The following CADM2 variants were observed in gnomAD, a reference collection of about 807,000 sequenced individuals.
The protein encoded by CADM2 is cell adhesion molecule 2.
A neutral mutation model predicts 49.8 loss-of-function variants in CADM2; 12 were observed. The ratio of observed to expected loss-of-function variants is 0.24; its 90% CI spans 0.15 to 0.39. The LOEUF (loss-of-function observed/expected upper bound fraction) is 0.39, where lower values mean the gene tolerates loss of function less well. Among genes scored for constraint, CADM2 ranks in the 10% least tolerant of loss-of-function variants. The probability of loss-of-function intolerance (pLI) is 1.00; values close to 1 mark genes in which losing one functional copy is unlikely to be tolerated. For synonymous variants in CADM2, 214 were observed against 175.4 expected, an observed-to-expected ratio of 1.22 and a Z score of -1.74; for missense variants, 378 against 492.3, an observed-to-expected ratio of 0.77 and a Z score of 2.20.
chr3:85,419,407 G>A (rs1034144904), intron 1 of CADM2, among the ~76,000 whole-genome samples: 1 of 151,950 alleles, frequency 6.6e-6, no homozygotes, highest in Non-Finnish European at 1.5e-5. Context: ...GCAGTGAGCG[G>A]AGATCGCGCC....
intron 1 of CADM2, among the ~76,000 whole-genome samples, chr3:85,328,521 T>C (rs818222): frequency 0.18 from 27,907 of 152,154 alleles, 3,582 homozygotes; most frequent in African/African-American, 0.36. Context: ...GCTATTTCCA[T>C]GTTTCCAATT....
intron 1 of CADM2, among the ~76,000 whole-genome samples, chr3:85,364,575 G>A (rs143441416): frequency 1.1e-3 from 172 of 152,224 alleles, no homozygotes; most frequent in African/African-American, 3.9e-3. Flanking sequence ...AGAGATTAAA[G>A]CACATCATAC....
intron 1 of CADM2, among the ~76,000 whole-genome samples, chr3:85,381,888 C>A (rs1187922880): frequency 1.3e-5 from 2 of 151,950 alleles, no homozygotes; most frequent in African/African-American, 4.8e-5. Context: ...CACTGACATG[C>A]CAGTATGTCA....
intron 1 of CADM2, among the ~76,000 whole-genome samples, chr3:85,276,605 A>G (rs2043362627): frequency 6.6e-6 from 1 of 151,326 alleles, no homozygotes; most frequent in South Asian, 2.1e-4. Flanking sequence ...ACTAAAAATC[A>G]CGATACTATT....
intron 1 of CADM2, among the ~76,000 whole-genome samples, chr3:85,452,338 T>G (rs1277589835): frequency 6.6e-6 from 1 of 152,106 alleles, no homozygotes; most frequent in Non-Finnish European, 1.5e-5. Flanking sequence ...CATCTTTGCC[T>G]TAAGAGATTA....
intron 8 of CADM2, among the ~76,000 whole-genome samples, chr3:85,962,760 A>G (rs943579979): frequency 8.6e-5 from 13 of 151,962 alleles, no homozygotes; most frequent in African/African-American, 2.7e-4. Context: ...TAAGATTTTC[A>G]TCATATTTCA....
intron 1 of CADM2, among the ~76,000 whole-genome samples, chr3:85,086,287 T>C (rs1025583375): frequency 6.6e-6 from 1 of 151,982 alleles, no homozygotes; most frequent in Non-Finnish European, 1.5e-5. Context: ...AAATTTACTC[T>C]ATATTTCAAT....
intron 8 of CADM2, among the ~76,000 whole-genome samples, chr3:86,011,793 A>G (rs1356466857): frequency 6.6e-6 from 1 of 152,186 alleles, no homozygotes; most frequent in Non-Finnish European, 1.5e-5. Context: ...AGATTCAGTA[A>G]GGTGGAAACG....
chr3:85,914,565 A>G (rs1171962438), intron 6 of CADM2, among the ~76,000 whole-genome samples: 1 of 152,194 alleles, frequency 6.6e-6, no homozygotes, highest in Non-Finnish European at 1.5e-5. Flanking sequence ...TAAAATAATA[A>G]TTGACTACTT....
chr3:85,096,646 T>A (rs73843289), intron 1 of CADM2, among the ~76,000 whole-genome samples: 463 of 151,914 alleles, frequency 3.0e-3, no homozygotes, highest in African/African-American at 9.8e-3. Context: ...ATACACTCAT[T>A]ACACTAGAAC....
chr3:85,250,625 A>G (rs2042751635), intron 1 of CADM2, among the ~76,000 whole-genome samples: 1 of 151,682 alleles, frequency 6.6e-6, no homozygotes, highest in Admixed American at 6.6e-5. Context: ...TAATTGATAC[A>G]TATAAGTTTA....
chr3:85,352,832 T>G (rs1191010868), intron 1 of CADM2, among the ~76,000 whole-genome samples: 1 of 152,156 alleles, frequency 6.6e-6, no homozygotes, highest in East Asian at 1.9e-4. Context: ...TGTATCCATG[T>G]GGTTCTGGTT....
chr3:85,995,905 A>T (rs550809837), intron 8 of CADM2, among the ~76,000 whole-genome samples: 10 of 151,906 alleles, frequency 6.6e-5, no homozygotes, highest in Non-Finnish European at 8.8e-5. Context: ...CTGGCTAACC[A>T]GGTGAAACAC....
At chr3:85,322,943 T>C (rs1227310713) in intron 1 of CADM2, among the ~76,000 whole-genome samples, 1 of 152,212 alleles carries the variant, frequency 6.6e-6, no homozygotes, top group Non-Finnish European at 1.5e-5. Context: ...AACTGAATAT[T>C]GGTTCCCAGA....
At chr3:85,438,085 G>A (rs1050799138) in intron 1 of CADM2, among the ~76,000 whole-genome samples, 3 of 151,834 alleles carry the variant, frequency 2.0e-5, no homozygotes, top group Non-Finnish European at 2.9e-5. Flanking sequence ...AAAAAATAAT[G>A]TGATTGGAAT....
chr3:85,194,379 T>G lies in CADM2; in HGVS notation c.61+234711T>G, dbSNP rs951939793. Reference sequence around the variant, plus strand: ...AGAAGTTTTATATAGGAGGGTGACATGATCATAATTCATTTAGCAAAGAAA... The same window carrying G: ...AGAAGTTTTATATAGGAGGGTGACAGGATCATAATTCATTTAGCAAAGAAA... On this transcript the variant is annotated intron_variant, in intron 1 of 9. Transcript: ENST00000383699. Among the ~76,000 whole-genome samples the G allele has an allele frequency of 3.9e-5, 6 of 151,976 alleles. No homozygotes were observed. In the South Asian group the frequency reaches 1.0e-3, roughly 26 times the overall value.
intron 4 of CADM2, 36 bp from the exon 5 acceptor site, chr3:85,886,154 G>T: frequency 6.2e-7 from 1 of 1,607,692 alleles, no homozygotes; most frequent in Non-Finnish European, 8.5e-7. Context: ...CAACCCTGAA[G>T]ATTGATGCTC....
chr3:85,730,346 G>A (rs144451146), intron 2 of CADM2, among the ~76,000 whole-genome samples: 6 of 152,246 alleles, frequency 3.9e-5, no homozygotes, highest in African/African-American at 1.4e-4. Flanking sequence ...GGAGGCTGAG[G>A]CAGGAGAATC....
At position 84,986,281 on chromosome 3, in the gene CADM2, T is replaced by C. The variant is rs568100728; in HGVS notation, c.61+26613T>C. 1.8e-4 allele frequency among the ~76,000 whole-genome samples: 27 copies of C among 152,332 alleles called. No individual in the cohort carries two copies. In the South Asian group the frequency reaches 5.4e-3, roughly 30 times the overall value. On this transcript the variant is annotated intron_variant, in intron 1 of 9. Coordinates refer to ENST00000383699, the MANE Select transcript of CADM2 (RefSeq NM_001167675.2). ...TGCTGAATACTTAGAATTCTTTAGT[T>C]GTCCTCTTGCGATTAATTTAGCGAT...
Sources: gnomAD v4.1 joint callset for allele counts (sites outside exome capture counted in the v4.1 genomes callset) on GRCh38, gnomAD v4.1.1 for gene constraint, MANE v1.5 for transcripts, NCBI Gene and HGNC (gene_info 2026-07-23, HGNC 2026-07-21) for gene names.